CCDC6: variants seen among roughly 807,000 people sequenced by gnomAD.
The protein encoded by CCDC6 is coiled-coil domain containing 6.
Under a neutral mutation model 56.6 loss-of-function variants are expected in CCDC6, and 20 were observed. The ratio of observed to expected loss-of-function variants is 0.35; its 90% CI spans 0.25 to 0.51. The LOEUF is 0.51. CCDC6 is among the 20% of genes least tolerant of loss of function. CCDC6 has a pLI of 0.95. For missense variants in CCDC6, 367 were observed against 601.1 expected, an observed-to-expected ratio of 0.61 and a Z score of 4.07; for synonymous variants, 241 against 234.4, an observed-to-expected ratio of 1.03 and a Z score of -0.26.
At chr10:59,891,944 A>T (rs118174536) in intron 1 of CCDC6, among the ~76,000 whole-genome samples, 2,552 of 152,322 alleles carry the variant, frequency 0.017, 30 homozygotes, top group Middle Eastern at 0.044. Flanking sequence ...GGCAACAAAG[A>T]AAAGAGGTCA....
chr10:59,844,354 C>T (rs1011629968), intron 2 of CCDC6, among the ~76,000 whole-genome samples: 2 of 151,070 alleles, frequency 1.3e-5, no homozygotes, highest in African/African-American at 4.9e-5. Flanking sequence ...GTTTGAGTTT[C>T]CTGGATTTCC....
At chr10:59,869,389 CAAAAAAAA>C (rs1167007522) in intron 1 of CCDC6, among the ~76,000 whole-genome samples, 6 of 6,086 alleles carry the variant, frequency 9.9e-4, no homozygotes, top group African/African-American at 1.3e-3. Flanking sequence ...CTTGCTCAGG[CAAAAAAAA>C]AAAAAAAAAA....
At chr10:59,828,764 T>A (rs1215994617) in intron 3 of CCDC6, among the ~76,000 whole-genome samples, 1 of 152,066 alleles carries the variant, frequency 6.6e-6, no homozygotes, top group Non-Finnish European at 1.5e-5. Flanking sequence ...TGCAGCAAAC[T>A]CTGGAGGGAG....
At chr10:59,852,517 G>A in intron 2 of CCDC6, 36 bp downstream of exon 2, 1 of 1,516,804 alleles carries the variant, frequency 6.6e-7, no homozygotes, top group Non-Finnish European at 8.8e-7. Flanking sequence ...AAGGAAAATA[G>A]GCAGGGAAGA....
chr10:59,863,413 T>C (rs1456816715), intron 1 of CCDC6, among the ~76,000 whole-genome samples: 1 of 152,242 alleles, frequency 6.6e-6, no homozygotes, highest in African/African-American at 2.4e-5. Flanking sequence ...GATGTTACAA[T>C]ACAAAGCTCA....
At chr10:59,841,768 G>C (rs1448857598) in intron 2 of CCDC6, among the ~76,000 whole-genome samples, 1 of 151,070 alleles carries the variant, frequency 6.6e-6, no homozygotes, top group African/African-American at 2.4e-5. Context: ...CCTGGGTTCA[G>C]GCCATTCTCC....
chr10:59,809,495 C>T (rs945584225), intron 5 of CCDC6, among the ~76,000 whole-genome samples: 157 of 152,330 alleles, frequency 1.0e-3, no homozygotes, highest in African/African-American at 3.7e-3. Flanking sequence ...GGTCCAACAC[C>T]TCTGGGTGTC....
intron 1 of CCDC6, among the ~76,000 whole-genome samples, chr10:59,863,286 A>C (rs1205935384): frequency 6.6e-6 from 1 of 152,216 alleles, no homozygotes; most frequent in East Asian, 1.9e-4. Context: ...ATGCTTTATA[A>C]CTTACACGTG....
chr10:59,875,617 T>G (rs1004064527), intron 1 of CCDC6, among the ~76,000 whole-genome samples: 1 of 152,206 alleles, frequency 6.6e-6, no homozygotes, highest in Non-Finnish European at 1.5e-5. Flanking sequence ...TTGTACCTCC[T>G]AAGGAACCAA....
rs546206910 is a variant in CCDC6, at chr10:59,853,072, A to C, written c.304-370T>G. Among the ~76,000 whole-genome samples the C allele has an allele frequency of 1.3e-4, 20 of 152,310 alleles. No homozygotes were observed. The East Asian group carries it at 3.7e-3, about 28-fold the overall frequency. ...CGGGTCCAGTCCTGTGCTATGGTACATCAATTCATGATAACTCTCACAGGT... is the reference window on the plus strand; with the variant it reads ...CGGGTCCAGTCCTGTGCTATGGTACCTCAATTCATGATAACTCTCACAGGT... On this transcript the variant is annotated intron_variant, in intron 1 of 8. Transcript: ENST00000263102.
chr10:59,843,175 C>A (rs548316197), intron 2 of CCDC6, among the ~76,000 whole-genome samples: 1 of 152,216 alleles, frequency 6.6e-6, no homozygotes, highest in Non-Finnish European at 1.5e-5. Context: ...CGTGAGCCAA[C>A]GCGCCCGGCC....
At chr10:59,883,593 A>G (rs1040972141) in intron 1 of CCDC6, among the ~76,000 whole-genome samples, 5 of 152,232 alleles carry the variant, frequency 3.3e-5, no homozygotes, top group African/African-American at 1.2e-4. Flanking sequence ...AATGAATCAC[A>G]AAGTTTTACT....
Position 59,906,498 on chromosome 10 carries a change from T to C in CCDC6, c.-74A>G, listed in dbSNP as rs1243306754. 6 of 1,306,432 alleles carry C rather than the reference T, an allele frequency of 4.6e-6. No individual in the cohort carries two copies. The highest frequency in any genetic ancestry group is 1.6e-5 in the African/African-American group (1 of 63,768). The allele number at this position is 1,306,432 out of a possible 1,614,324, so 80.9% of individuals were successfully genotyped here. A position where few individuals can be genotyped will look rare whatever the true frequency, so the allele number is the denominator to read the frequency against. On this transcript the variant is annotated 5_prime_UTR_variant, in exon 1 of 9. Transcript: ENST00000263102. ...CGACGAAGGCCGGGCTGCGAATGAG[T>C]GGGCGCCGGGCGAGCACAGGGGAGC...
At chr10:59,811,067 C>T (rs1184051674) in intron 5 of CCDC6, among the ~76,000 whole-genome samples, 4 of 152,182 alleles carry the variant, frequency 2.6e-5, no homozygotes, top group African/African-American at 7.2e-5. Flanking sequence ...GGCTCCCCAA[C>T]AACCTCCAGA....
intron 1 of CCDC6, among the ~76,000 whole-genome samples, chr10:59,883,191 T>A (rs2071358937): frequency 6.6e-6 from 1 of 152,162 alleles, no homozygotes; most frequent in African/African-American, 2.4e-5. Context: ...GTCTTAGTCT[T>A]TGAGTTAAAT....
chr10:59,896,207 C>G (rs908823650), intron 1 of CCDC6, among the ~76,000 whole-genome samples: 2 of 152,020 alleles, frequency 1.3e-5, no homozygotes, highest in African/African-American at 4.8e-5. Flanking sequence ...ACAGTTTATT[C>G]CAAATGCTAT....
At chr10:59,823,419 C>T (rs952797392) in intron 3 of CCDC6, among the ~76,000 whole-genome samples, 6 of 152,262 alleles carry the variant, frequency 3.9e-5, no homozygotes, top group South Asian at 2.1e-4. Context: ...AGCAGCCAGC[C>T]GGTGCCAGCA....
rs139803633 is a variant in CCDC6, at chr10:59,793,411, G to A, written c.1231-300C>T. On this transcript the variant is annotated intron_variant, in intron 8 of 8. Coordinates refer to ENST00000263102, the MANE Select transcript of CCDC6 (RefSeq NM_005436.5). The stretch of plus-strand genomic sequence containing the variant: ...AATATCCCCTTAAATCTTTCTTTCC[G>A]TGTGTGTCACCAATTCCCTCTATTG... Among the ~76,000 whole-genome samples the A allele has an allele frequency of 2.8e-4, 42 of 151,900 alleles. 1 individual carries two copies. The highest frequency in any genetic ancestry group is 8.4e-4 in the African/African-American group (35 of 41,486).
In CCDC6 at chr10:59,895,977, G is replaced by A. The variant is rs1287779105; in HGVS notation, c.303+10145C>T. Among the ~76,000 whole-genome samples the A allele has an allele frequency of 4.6e-5, 7 of 152,258 alleles. No individual in the cohort carries two copies. In the East Asian group the frequency reaches 9.7e-4, roughly 21 times the overall value. On this transcript the variant is annotated intron_variant, in intron 1 of 8. Transcript: ENST00000263102. The stretch of plus-strand genomic sequence containing the variant: ...GCAGCCCAAGGCTTGGCCAAACTTC[G>A]CTGGTTGGCAATACTCCATGTGTAT...
Sources: gnomAD v4.1 joint callset for allele counts (sites outside exome capture counted in the v4.1 genomes callset) on GRCh38, gnomAD v4.1.1 for gene constraint, MANE v1.5 for transcripts, NCBI Gene and HGNC (gene_info 2026-07-23, HGNC 2026-07-21) for gene names.